Variants in TFDP2 observed in about 807,000 individuals in gnomAD.
TFDP2 encodes transcription factor Dp-2 (E2F dimerization partner 2).
TFDP2 carries 17 observed loss-of-function variants against 59.3 expected under a neutral mutation model. The observed-to-expected ratio is 0.29, with a 90% CI of 0.20 to 0.43. TFDP2 has a LOEUF of 0.43. Ranked by LOEUF, TFDP2 falls within the 20% of genes least tolerant of loss-of-function variation. TFDP2 has a pLI of 1.00. For synonymous variants in TFDP2, 180 were observed against 194.7 expected, an observed-to-expected ratio of 0.92 and a Z score of 0.63; for missense variants, 391 against 528.8, an observed-to-expected ratio of 0.74 and a Z score of 2.56.
At chr3:142,079,831 T>C (rs527912907) in intron 3 of TFDP2, among the ~76,000 whole-genome samples, 1 of 152,192 alleles carries the variant, frequency 6.6e-6, no homozygotes, top group South Asian at 2.1e-4. Flanking sequence ...ATAAAGACTT[T>C]CCCAGACAAC....
In TFDP2 at chr3:142,146,277, G is replaced by A. The variant is rs539690406; in HGVS notation, c.-93+2906C>T. On this transcript the variant is annotated intron_variant, in intron 1 of 12. Coordinates refer to ENST00000489671, the MANE Select transcript of TFDP2 (RefSeq NM_001178139.2). ...GAGAGAGTATGACTTTAAGAACAGA[G>A]AGAGCATGAACAAAATAATTCAACA... Among the ~76,000 whole-genome samples the A allele has an allele frequency of 3.3e-5, 5 of 152,096 alleles. No individual in the cohort carries two copies. In the South Asian group the frequency reaches 1.0e-3, roughly 32 times the overall value.
chr3:141,989,108 A>T (rs183237653), intron 6 of TFDP2: 66 of 152,156 alleles, frequency 4.3e-4, no homozygotes, highest in African/African-American at 1.5e-3. Flanking sequence ...TTTATCTTAC[A>T]TCCTCTTGGG....
In TFDP2 at chr3:141,973,973, T is replaced by C. The variant is rs909858856; in HGVS notation, c.663+75A>G. ...AAATTGGAAATATTTTATATTAGAA[T>C]TACATTTTTAAATTAAAATGCCTGT... On this transcript the variant is annotated intron_variant, in intron 8 of 12. Transcript: ENST00000489671. 8.8e-6 allele frequency: 13 copies of C among 1,469,356 alleles called. No homozygotes were observed. The African/African-American group carries it at 1.6e-4, about 18-fold the overall frequency. The allele number at this position is 1,469,356 out of a possible 1,614,324, so 91.0% of individuals were successfully genotyped here. A position where few individuals can be genotyped will look rare whatever the true frequency, so the allele number is the denominator to read the frequency against.
chr3:142,101,786 TTAAAAAAATAAAA>T lies in TFDP2; in HGVS notation c.-50_-38del, dbSNP rs1380119486. 1 of 1,257,830 alleles carries T rather than the reference TTAAAAAAATAAAA, an allele frequency of 8.0e-7. No homozygotes were observed. The highest frequency in any genetic ancestry group is 3.0e-5 in the Admixed American group (1 of 33,078). The allele number at this position is 1,257,830 out of a possible 1,614,324, so 77.9% of individuals were successfully genotyped here. ...TTCTATTTAAGATTCTGTAAAGCCA[TTAAAAAAATAAAA>T]AGAAAAAAACCTTCGTCTTCAATAA... On this transcript the variant is annotated 5_prime_UTR_variant, in exon 2 of 13. Transcript: ENST00000489671.
intron 1 of TFDP2, among the ~76,000 whole-genome samples, chr3:142,113,881 AGG>A (rs1478920664): frequency 6.6e-6 from 1 of 151,938 alleles, no homozygotes; most frequent in African/African-American, 2.4e-5. Context: ...TCTACAGAAT[AGG>A]GCCGGGCGGG....
Position 142,005,541 on chromosome 3 carries a change from T to C in TFDP2, c.86A>G (p.Asn29Ser). The C allele has an allele frequency of 8.2e-6, 13 of 1,585,424 alleles. No individual in the cohort carries two copies. The highest frequency in any genetic ancestry group is 1.1e-5 in the Non-Finnish European group (13 of 1,162,334). Residue 29 changes from asparagine to serine, a missense_variant, in exon 4 of 13, where the codon AAC becomes AGC. Transcript: ENST00000489671. ...AACTGGAAATGCAACAAATGAAATG[T>C]TGCCTGAAATGATATCAAAACATTA... ...IDQNLSPTKG[N>S]ISFVAFPVSN...
chr3:141,999,897 G>A (rs137946074), intron 4 of TFDP2, among the ~76,000 whole-genome samples: 252 of 151,938 alleles, frequency 1.7e-3, no homozygotes, highest in African/African-American at 5.7e-3. Context: ...CACCACGCCC[G>A]GCTAATTTTT....
chr3:141,986,977 C>A (rs59412511), intron 6 of TFDP2, among the ~76,000 whole-genome samples: 3,810 of 152,152 alleles, frequency 0.025, 161 homozygotes, highest in African/African-American at 0.085. Context: ...TTTTTATATG[C>A]CCTTATATCC....
At chr3:141,973,828 A>G (rs1328795747) in intron 8 of TFDP2, among the ~76,000 whole-genome samples, 9 of 152,074 alleles carry the variant, frequency 5.9e-5, no homozygotes, top group Non-Finnish European at 1.5e-5. Flanking sequence ...TCAAATTGTT[A>G]TTCAACTTTT....
At chr3:142,097,511 G>A (rs1475528829) in intron 2 of TFDP2, among the ~76,000 whole-genome samples, 2 of 152,064 alleles carry the variant, frequency 1.3e-5, no homozygotes, top group East Asian at 3.9e-4. Flanking sequence ...AAGGAACATA[G>A]TGAGATCCTG....
chr3:141,960,646 T>C (rs1641887840), intron 10 of TFDP2, among the ~76,000 whole-genome samples: 3 of 152,144 alleles, frequency 2.0e-5, no homozygotes, highest in Admixed American at 1.3e-4. Flanking sequence ...CTAAGATAAT[T>C]TGAATAACAG....
chr3:142,128,791 A>T (rs894160044), intron 1 of TFDP2, among the ~76,000 whole-genome samples: 6 of 151,922 alleles, frequency 3.9e-5, no homozygotes, highest in Non-Finnish European at 7.4e-5. Flanking sequence ...AAACAAAGAA[A>T]TTTTTTTTTA....
chr3:142,118,079 C>CA (rs1211054140), intron 1 of TFDP2, among the ~76,000 whole-genome samples: 1 of 152,088 alleles, frequency 6.6e-6, no homozygotes, highest in Admixed American at 6.5e-5. Context: ...GCCTGGGTGA[C>CA]AGAGTGAGAC....
intron 3 of TFDP2, among the ~76,000 whole-genome samples, chr3:142,047,439 T>G (rs1947395407): frequency 6.6e-6 from 1 of 152,194 alleles, no homozygotes; most frequent in South Asian, 2.1e-4. Context: ...CAATTCTCAC[T>G]GGTTCTGTAA....
intron 6 of TFDP2, among the ~76,000 whole-genome samples, chr3:141,984,660 G>T (rs1941884417): frequency 6.6e-6 from 1 of 152,150 alleles, no homozygotes; most frequent in African/African-American, 2.4e-5. Flanking sequence ...TCTCAAGATG[G>T]ATAGTGGTGA....
intron 3 of TFDP2, among the ~76,000 whole-genome samples, chr3:142,061,889 TACACACACACACACACACAC>T (rs71153939): frequency 0.011 from 859 of 79,968 alleles, 8 homozygotes; most frequent in Middle Eastern, 0.068. Flanking sequence ...TCTCTCTCTC[TACACACACACACACACACAC>T]ACACACACAC....
Position 141,974,041 on chromosome 3 carries a change from CACTT to C in TFDP2, c.663+3_663+6del, listed in dbSNP as rs1193943338. The C allele has an allele frequency of 1.2e-6, 2 of 1,606,614 alleles. No homozygotes were observed. The highest frequency in any genetic ancestry group is 1.7e-6 in the Non-Finnish European group (2 of 1,177,976). Reference sequence around the variant, plus strand: ...ACAGCTATTCATAAACAGATTTTCTCACTTACCTCCAGATTCTGACATTCCTGAG... The same window carrying C: ...ACAGCTATTCATAAACAGATTTTCTCACCTCCAGATTCTGACATTCCTGAG... On this transcript the variant is annotated splice_donor_5th_base_variant and intron_variant, in intron 8 of 12. Transcript: ENST00000489671.
At chr3:141,977,314 G>A (rs987508307) in intron 7 of TFDP2, among the ~76,000 whole-genome samples, 21 of 149,148 alleles carry the variant, frequency 1.4e-4, no homozygotes, top group African/African-American at 5.2e-4. Flanking sequence ...GCTCATGCCT[G>A]TAATCCCAGC....
In TFDP2 at chr3:141,952,541, T is replaced by C. The variant is rs769826020; in HGVS notation, c.1313A>G (p.Asp438Gly). ...CSFNDEDEED[D>G]EEDSSSPE ...TTCTGGGGAGGAGGAATCCTCCTCATCATCTTCCTCATCTTCATCATTGAA... is the reference window on the plus strand; with the variant it reads ...TTCTGGGGAGGAGGAATCCTCCTCACCATCTTCCTCATCTTCATCATTGAA... The change falls in exon 13 of 13, where the codon GAT becomes GGT. Residue 438 changes from aspartate (D) to glycine (G), a missense_variant. By Grantham distance (94) the Asp-to-Gly change is moderately conservative. Transcript: ENST00000489671. 6.4e-7 allele frequency: 1 copy of C among 1,554,154 alleles called. No individual in the cohort carries two copies. The highest frequency in any genetic ancestry group is 1.3e-5 in the South Asian group (1 of 79,616).
Sources: allele counts gnomAD v4.1 joint callset (sites outside exome capture counted in the v4.1 genomes callset), GRCh38; gene constraint gnomAD v4.1.1; transcripts MANE v1.5; gene names NCBI Gene and HGNC (gene_info 2026-07-23, HGNC 2026-07-21).